TMOD1: variants seen among roughly 807,000 people sequenced by gnomAD.
TMOD1 encodes tropomodulin 1.
A neutral mutation model predicts 40.6 loss-of-function variants in TMOD1; 17 were observed. The observed-to-expected ratio is 0.42, with a 90% CI of 0.29 to 0.63. The LOEUF is 0.63. TMOD1 is among the 20% of genes least tolerant of loss of function. The probability of loss-of-function intolerance (pLI) is 0.22; values close to 1 mark genes in which losing one functional copy is unlikely to be tolerated. For missense variants in TMOD1, 391 were observed against 447.6 expected (o/e 0.87, Z 1.14); for synonymous variants, 181 against 175.0 (o/e 1.03, Z -0.27).
chr9:97,524,893 C>T (rs540343650), intron 2 of TMOD1, among the ~76,000 whole-genome samples: 16 of 151,886 alleles, frequency 1.1e-4, no homozygotes, highest in Admixed American at 8.5e-4. Context: ...ATCTGTGTTA[C>T]TCAGTCTACT....
chr9:97,577,885 A>G (rs1185203072), intron 8 of TMOD1, among the ~76,000 whole-genome samples: 1 of 152,258 alleles, frequency 6.6e-6, no homozygotes, highest in African/African-American at 2.4e-5. Context: ...TAAAATGTTT[A>G]TGACATTGTT....
chr9:97,514,822 C>T lies in TMOD1; in HGVS notation c.-48-9319C>T, dbSNP rs569761298. On this transcript the variant is annotated intron_variant, in intron 1 of 9. Coordinates refer to ENST00000259365, the MANE Select transcript of TMOD1 (RefSeq NM_003275.4). The stretch of plus-strand genomic sequence containing the variant: ...CGAAAGGATTGTGTTGCGGCAGCGG[C>T]CAGGACCAGGCCACTCACTACCTGG... Among the ~76,000 whole-genome samples the T allele has an allele frequency of 1.8e-4, 27 of 152,314 alleles. 1 individual carries two copies. The South Asian group carries it at 5.4e-3, about 30-fold the overall frequency.
At chr9:97,566,414 C>A (rs1312826605) in intron 7 of TMOD1, among the ~76,000 whole-genome samples, 2 of 152,146 alleles carry the variant, frequency 1.3e-5, no homozygotes, top group African/African-American at 4.8e-5. Flanking sequence ...CTCACACCTG[C>A]AATTCCAGCA....
In TMOD1 at chr9:97,571,970, G is replaced by T. The variant is rs918641581; in HGVS notation, c.870+2933G>T. ...ACTGAGGCTCCAGGTCCACCCTCCAGAAGTTTCCTCACTGGATGGGAGGAA... is the reference window on the plus strand; with the variant it reads ...ACTGAGGCTCCAGGTCCACCCTCCATAAGTTTCCTCACTGGATGGGAGGAA... On this transcript the variant is annotated intron_variant, in intron 8 of 9. Transcript: ENST00000259365. Among the ~76,000 whole-genome samples the T allele has an allele frequency of 2.0e-5, 3 of 152,194 alleles. No individual in the cohort carries two copies. The East Asian group carries it at 5.8e-4, about 29-fold the overall frequency.
In TMOD1 at chr9:97,532,618, T is replaced by TA. The variant is rs879305699; in HGVS notation, c.120+8322dup. Among the ~76,000 whole-genome samples, 1,146 of 145,106 alleles carry TA rather than the reference T, an allele frequency of 7.9e-3. 10 individuals are homozygous for TA. The highest frequency in any genetic ancestry group is 0.022 in the African/African-American group (869 of 39,810). On this transcript the variant is annotated intron_variant, in intron 2 of 9. Coordinates refer to ENST00000259365, the MANE Select transcript of TMOD1 (RefSeq NM_003275.4). ...TGCCTTATTTGGTTCTGATCATTCT[T>TA]AAAAAAAAAAAAGAAATCACTACAG... is the stretch of plus-strand genomic sequence containing the variant.
Position 97,577,779 on chromosome 9 carries a change from C to A in TMOD1, c.870+8742C>A, listed in dbSNP as rs182590350. On this transcript the variant is annotated intron_variant, in intron 8 of 9. Transcript: ENST00000259365. ...AACAAGACTCCATCTCAAAAAATAACATAAAATAAAATAAAATGAAAATAA... is the reference window on the plus strand; with the variant it reads ...AACAAGACTCCATCTCAAAAAATAAAATAAAATAAAATAAAATGAAAATAA... Among the ~76,000 whole-genome samples, 250 of 152,140 alleles carry A rather than the reference C, an allele frequency of 1.6e-3. 2 individuals are homozygous for A. Among genetic ancestry groups the A allele is most frequent in the African/African-American group, 5.6e-3 (233 of 41,500 alleles).
chr9:97,566,203 T>G (rs1041105654), intron 7 of TMOD1, among the ~76,000 whole-genome samples: 1 of 152,190 alleles, frequency 6.6e-6, no homozygotes, highest in African/African-American at 2.4e-5. Context: ...CACTTTGCAC[T>G]TAAAAAATCT....
chr9:97,551,008 ATATATATTTTTTT>A (rs1258880025), intron 3 of TMOD1, among the ~76,000 whole-genome samples: 2 of 45,464 alleles, frequency 4.4e-5, no homozygotes, highest in African/African-American at 3.2e-4. Flanking sequence ...ATATATATAT[ATATATATTTTTTT>A]TTTTTTTTTT....
chr9:97,595,359 GCCATTATCTCC>G (rs1290722330), intron 9 of TMOD1, among the ~76,000 whole-genome samples: 1 of 151,932 alleles, frequency 6.6e-6, no homozygotes, highest in Non-Finnish European at 1.5e-5. Context: ...GTATCCTGTG[GCCATTATCTCC>G]CCATTCCCCA....
chr9:97,509,218 T>G (rs1318406516), intron 1 of TMOD1, among the ~76,000 whole-genome samples: 1 of 152,218 alleles, frequency 6.6e-6, no homozygotes, highest in Non-Finnish European at 1.5e-5. Flanking sequence ...AAATCTAACA[T>G]AGTCTGCACT....
chr9:97,577,663 C>T (rs1268935089), intron 8 of TMOD1, among the ~76,000 whole-genome samples: 1 of 152,040 alleles, frequency 6.6e-6, no homozygotes, highest in African/African-American at 2.4e-5. Context: ...TGGTGCTACT[C>T]AGGAGGCTGA....
At chr9:97,541,989 C>G (rs1233166736) in intron 2 of TMOD1, among the ~76,000 whole-genome samples, 1 of 152,174 alleles carries the variant, frequency 6.6e-6, no homozygotes. Flanking sequence ...TAATGAAGTC[C>G]AAGTAATCTA....
Position 97,598,744 on chromosome 9 carries a change from C to T in TMOD1, c.1016-890C>T, listed in dbSNP as rs375844812. Among the ~76,000 whole-genome samples, 240 of 152,322 alleles carry T rather than the reference C, an allele frequency of 1.6e-3. 1 individual carries two copies. The highest frequency in any genetic ancestry group is 5.4e-3 in the African/African-American group (225 of 41,578). Reference sequence around the variant, plus strand: ...GGTTTTTGTTGCAGCTCGTATTCATCGATCTGGTGGCTGCAGGTCTACCGC... The same window carrying T: ...GGTTTTTGTTGCAGCTCGTATTCATTGATCTGGTGGCTGCAGGTCTACCGC... On this transcript the variant is annotated intron_variant, in intron 9 of 9. Transcript: ENST00000259365.
rs761021168 is a variant in TMOD1, at chr9:97,599,737, T to G, written c.*39T>G. On this transcript the variant is annotated 3_prime_UTR_variant, in exon 10 of 10. Transcript: ENST00000259365. ...AGTCCATGCCTTTGAACTGGATGTG[T>G]TCTATTGATGACCTGTGCTCTGCAG... 6.2e-7 allele frequency: 1 copy of G among 1,613,788 alleles called. No individual in the cohort carries two copies. The highest frequency in any genetic ancestry group is 1.1e-5 in the South Asian group (1 of 91,046).
chr9:97,565,430 C>G (rs1830711932), intron 6 of TMOD1, among the ~76,000 whole-genome samples: 1 of 152,128 alleles, frequency 6.6e-6, no homozygotes, highest in South Asian at 2.1e-4. Context: ...ACCCCCTTAC[C>G]TGTTTTCCAG....
chr9:97,530,856 C>T (rs542550231), intron 2 of TMOD1, among the ~76,000 whole-genome samples: 36 of 137,284 alleles, frequency 2.6e-4, no homozygotes, highest in African/African-American at 9.1e-4. Flanking sequence ...GGCGTGATCT[C>T]GGCTCATTGT....
At chr9:97,523,723 C>T (rs975060108) in intron 1 of TMOD1, among the ~76,000 whole-genome samples, 1 of 152,122 alleles carries the variant, frequency 6.6e-6, no homozygotes, top group Non-Finnish European at 1.5e-5. Flanking sequence ...GCTTAATTAA[C>T]CACCGATACT....
intron 8 of TMOD1, among the ~76,000 whole-genome samples, chr9:97,589,931 A>G: frequency 6.6e-6 from 1 of 152,100 alleles, no homozygotes; most frequent in East Asian, 1.9e-4. Flanking sequence ...TAAAGAAGGA[A>G]ACAAAAACTT....
At chr9:97,520,847 T>G (rs1829904009) in intron 1 of TMOD1, among the ~76,000 whole-genome samples, 1 of 152,194 alleles carries the variant, frequency 6.6e-6, no homozygotes, top group Non-Finnish European at 1.5e-5. Context: ...GTCCTCATAG[T>G]TGCCACCTCC....
Sources: gnomAD v4.1 joint callset for allele counts (sites outside exome capture counted in the v4.1 genomes callset) on GRCh38, gnomAD v4.1.1 for gene constraint, MANE v1.5 for transcripts, NCBI Gene and HGNC (gene_info 2026-07-23, HGNC 2026-07-21) for gene names.